CDH7: variants seen among roughly 807,000 people sequenced by gnomAD.
CDH7 encodes cadherin 7, also known as cadherin-7.
In CDH7, 25 loss-of-function variants were observed where a neutral mutation model predicts 71.8. The observed-to-expected ratio is 0.35, with a 90% CI of 0.25 to 0.49. The LOEUF (loss-of-function observed/expected upper bound fraction) is 0.49, where lower values mean the gene tolerates loss of function less well. CDH7 is among the 20% of genes least tolerant of loss of function. The probability of loss-of-function intolerance (pLI) is 0.99; values close to 1 mark genes in which losing one functional copy is unlikely to be tolerated. For missense variants in CDH7, 862 were observed against 974.6 expected, an observed-to-expected ratio of 0.88 and a Z score of 1.54; for synonymous variants, 381 against 363.8, an observed-to-expected ratio of 1.05 and a Z score of -0.54.
chr18:65,882,729 A>G lies in CDH7; in HGVS notation c.*1835A>G, dbSNP rs1437935869. 1 of 152,150 alleles carries G rather than the reference A, an allele frequency of 6.6e-6. No individual in the cohort carries two copies. The highest frequency in any genetic ancestry group is 1.5e-5 in the Non-Finnish European group (1 of 67,986). The allele number at this position is 152,150 out of a possible 1,614,324, so 9.4% of individuals were successfully genotyped here. A position where few individuals can be genotyped will look rare whatever the true frequency, so the allele number is the denominator to read the frequency against. ...TATTAATATGCATATATATTTTAAA[A>G]AATTATAACAGTGAAAGATACTGTT... On this transcript the variant is annotated 3_prime_UTR_variant, in exon 12 of 12. Transcript: ENST00000397968.
intron 2 of CDH7, among the ~76,000 whole-genome samples, chr18:65,774,715 A>G (rs781527338): frequency 6.6e-6 from 1 of 152,068 alleles, no homozygotes; most frequent in Admixed American, 6.6e-5. Context: ...CAGTGGAAAG[A>G]TGTGGGGCCT....
intron 2 of CDH7, among the ~76,000 whole-genome samples, chr18:65,797,048 C>T (rs1413971730): frequency 1.3e-5 from 2 of 152,088 alleles, no homozygotes; most frequent in Admixed American, 1.3e-4. Context: ...TCTTCCTTGC[C>T]TGTTCCTCAG....
intron 6 of CDH7, among the ~76,000 whole-genome samples, chr18:65,825,506 CT>C (rs532024141): frequency 5.9e-4 from 90 of 151,822 alleles, no homozygotes; most frequent in East Asian, 3.1e-3. Flanking sequence ...AGAGATATGA[CT>C]TTTTACAGAT....
Position 65,862,713 on chromosome 18 carries a change from G to C in CDH7, c.1660G>C (p.Glu554Gln), listed in dbSNP as rs747158201. 6.2e-6 allele frequency: 10 copies of C among 1,614,120 alleles called. No individual in the cohort carries two copies. Among genetic ancestry groups the C allele is most frequent in the Non-Finnish European group, 8.5e-6 (10 of 1,179,980 alleles). The change falls in exon 11 of 12, where the codon GAA becomes CAA. Residue 554 changes from glutamate to glutamine, a missense_variant. By Grantham distance (29) the Glu-to-Gln change is conservative. Transcript: ENST00000397968. ...LTRRNGFRRQEQSVYYLPIFI... is the reference protein window; with the variant it reads ...LTRRNGFRRQQQSVYYLPIFI... ...CAGGAGAAACGGCTTCCGGAGACAG[G>C]AACAATCAGTTTACTATCTGCCAAT...
intron 2 of CDH7, among the ~76,000 whole-genome samples, chr18:65,792,917 C>CT (rs548954167): frequency 5.0e-4 from 76 of 152,296 alleles, no homozygotes; most frequent in Middle Eastern, 3.4e-3. Flanking sequence ...ATCTGGTATT[C>CT]TGCCCTTGGC....
intron 2 of CDH7, among the ~76,000 whole-genome samples, chr18:65,804,426 GT>G (rs1911237932): frequency 6.6e-6 from 1 of 152,086 alleles, no homozygotes; most frequent in Non-Finnish European, 1.5e-5. Flanking sequence ...TGAATTGATT[GT>G]TTTTACCTTT....
chr18:65,858,107 T>A (rs976673909), intron 8 of CDH7, among the ~76,000 whole-genome samples, 155 bp downstream of exon 8: 2 of 152,176 alleles, frequency 1.3e-5, no homozygotes, highest in Non-Finnish European at 2.9e-5. Context: ...GAAATATACT[T>A]ATCTTCACTG....
chr18:65,833,738 T>C (rs931558187), intron 6 of CDH7, among the ~76,000 whole-genome samples: 3 of 152,138 alleles, frequency 2.0e-5, no homozygotes, highest in Admixed American at 1.3e-4. Flanking sequence ...GAGATGAACA[T>C]AGAGTTTTAT....
At chr18:65,877,569 C>T (rs1281231620) in intron 11 of CDH7, among the ~76,000 whole-genome samples, 5 of 152,078 alleles carry the variant, frequency 3.3e-5, no homozygotes, top group African/African-American at 1.2e-4. Flanking sequence ...ATTTCTTACA[C>T]CCTTTTGTTC....
chr18:65,773,985 T>C lies in CDH7; in HGVS notation c.210+10933T>C, dbSNP rs189507236. 5.3e-5 allele frequency among the ~76,000 whole-genome samples: 8 copies of C among 152,282 alleles called. No individual in the cohort carries two copies. The East Asian group carries it at 1.5e-3, about 29-fold the overall frequency. ...ATGAAATAATTATTGCTCCCAAGCATTTTGTATGACATGACTTCTCAAACT... is the reference window on the plus strand; with the variant it reads ...ATGAAATAATTATTGCTCCCAAGCACTTTGTATGACATGACTTCTCAAACT... On this transcript the variant is annotated intron_variant, in intron 2 of 11. Transcript: ENST00000397968.
chr18:65,825,638 A>G (rs933742734), intron 6 of CDH7, among the ~76,000 whole-genome samples: 4 of 151,854 alleles, frequency 2.6e-5, no homozygotes, highest in Non-Finnish European at 5.9e-5. Context: ...ATTTTTTGTC[A>G]GTATGAAAAT....
At chr18:65,838,506 C>T (rs1912614652) in intron 6 of CDH7, among the ~76,000 whole-genome samples, 1 of 152,182 alleles carries the variant, frequency 6.6e-6, no homozygotes, top group Non-Finnish European at 1.5e-5. Flanking sequence ...TACACATACA[C>T]TATCCAGCCC....
intron 2 of CDH7, among the ~76,000 whole-genome samples, chr18:65,769,015 A>G (rs895793317): frequency 9.2e-5 from 14 of 151,930 alleles, no homozygotes; most frequent in Admixed American, 9.2e-4. Context: ...TAAAAAATAA[A>G]CTCTTTCATA....
At chr18:65,880,118 A>G (rs1009055305) in intron 11 of CDH7, among the ~76,000 whole-genome samples, 3 of 152,138 alleles carry the variant, frequency 2.0e-5, no homozygotes, top group East Asian at 1.9e-4. Flanking sequence ...TGGCCCTTCA[A>G]TTTCTTCTAT....
At chr18:65,837,337 G>A (rs1912565659) in intron 6 of CDH7, among the ~76,000 whole-genome samples, 1 of 152,180 alleles carries the variant, frequency 6.6e-6, no homozygotes, top group African/African-American at 2.4e-5. Flanking sequence ...GAGCTAGGAT[G>A]GAGGGTGGGG....
intron 2 of CDH7, among the ~76,000 whole-genome samples, chr18:65,785,971 T>A (rs998945340): frequency 6.6e-6 from 1 of 152,164 alleles, no homozygotes; most frequent in Non-Finnish European, 1.5e-5. Flanking sequence ...CATGTGGTGT[T>A]GATTGCACCT....
chr18:65,790,211 ACT>A (rs1313005907), intron 2 of CDH7, among the ~76,000 whole-genome samples: 4 of 123,856 alleles, frequency 3.2e-5, no homozygotes, highest in Non-Finnish European at 4.8e-5. Context: ...ACAGAGTAAG[ACT>A]CTCTCTCAAA....
intron 1 of CDH7, among the ~76,000 whole-genome samples, chr18:65,757,640 A>G (rs1916067973): frequency 6.6e-6 from 1 of 152,088 alleles, no homozygotes; most frequent in South Asian, 2.1e-4. Context: ...AACCATCACT[A>G]CTACTCCCTG....
Position 65,880,616 on chromosome 18 carries a change from A to C in CDH7, c.2080A>C (p.Ser694Arg). Residue 694 changes from serine to arginine, a missense_variant, in exon 12 of 12, where the codon AGT (serine) becomes CGT (arginine). By Grantham distance (110) the Ser-to-Arg change is moderately radical. Coordinates refer to ENST00000397968, the MANE Select transcript of CDH7 (RefSeq NM_004361.5). Reference sequence around the variant, plus strand: ...TGTGACTCCAGAAATTCAATTCCTGAGTCGACCAGCTTTTAAAAGCATCCC... The same window carrying C: ...TGTGACTCCAGAAATTCAATTCCTGCGTCGACCAGCTTTTAAAAGCATCCC... ...RDVTPEIQFL[S>R]RPAFKSIPDN... 1 of 1,613,946 alleles carries C rather than the reference A, an allele frequency of 6.2e-7. No individual in the cohort carries two copies. Among genetic ancestry groups the C allele is most frequent in the East Asian group, 2.2e-5 (1 of 44,870 alleles).
Sources: allele counts gnomAD v4.1 joint callset (sites outside exome capture counted in the v4.1 genomes callset), GRCh38; gene constraint gnomAD v4.1.1; transcripts MANE v1.5; gene names NCBI Gene and HGNC (gene_info 2026-07-23, HGNC 2026-07-21).